Variants in RLF observed in about 807,000 individuals in gnomAD.
RLF encodes the protein zinc finger protein Rlf.
Under a neutral mutation model 162.9 loss-of-function variants are expected in RLF, and 7 were observed. The observed-to-expected ratio is 0.04, with a 90% confidence interval of 0.02 to 0.08. The LOEUF is 0.08. Among genes scored for constraint, RLF ranks in the 10% least tolerant of loss-of-function variants. RLF has a pLI of 1.00. For synonymous variants in RLF, 782 were observed against 791.5 expected (o/e 0.99, Z 0.20); for missense variants, 1,664 against 2,244.7 (o/e 0.74, Z 5.23).
chr1:40,238,725 G>C lies in RLF; in HGVS notation c.4023G>C (p.Gln1341His). 1 of 1,613,814 alleles carries C rather than the reference G, an allele frequency of 6.2e-7. No individual in the cohort carries two copies. The highest frequency in any genetic ancestry group is 8.5e-7 in the Non-Finnish European group (1 of 1,179,834). The change falls in exon 8 of 8, where the codon CAG becomes CAC. Residue 1341 changes from glutamine to histidine, a missense_variant. Gln to His is a conservative substitution (Grantham distance 24). This residue lies in a region of RLF where 33 missense variants were observed against 73.3 expected (regional missense o/e 0.45). Transcript: ENST00000372771. This position sits in a 1 kb window ranked among gnomAD's most constrained non-coding sequence, Gnocchi z 5.2. ...YRTVHQYNKE[Q>H]LCLEKDKART... ...CTGTACATCAGTACAACAAAGAACA[G>C]TTATGTTTGGAGAAAGACAAAGCAA...
At chr1:40,213,301 A>G (rs959061974) in intron 5 of RLF, among the ~76,000 whole-genome samples, 14 of 152,166 alleles carry the variant, frequency 9.2e-5, no homozygotes, top group Non-Finnish European at 2.9e-5. Context: ...TGGTTGGTGT[A>G]TGATTGCACT....
Position 40,222,604 on chromosome 1 carries a change from G to C in RLF, c.841G>C (p.Asp281His). 1 of 1,613,534 alleles carries C rather than the reference G, an allele frequency of 6.2e-7. No homozygotes were observed. Among genetic ancestry groups the C allele is most frequent in the Non-Finnish European group, 8.5e-7 (1 of 1,179,788 alleles). The change falls in exon 6 of 8, where the codon GAC (aspartate) becomes CAC (histidine). Residue 281 changes from aspartate (D) to histidine (H), a missense_variant. Asp to His is a moderately conservative substitution (Grantham distance 81, BLOSUM62 -1). Transcript: ENST00000372771. ...AAAGGTCGACTGCAAGGAAGTACTA[G>C]ACATCATTTGTAATCTGGAATCTGA... is the stretch of plus-strand genomic sequence containing the variant. ...IAKVDCKEVL[D>H]IICNLESEGQ...
intron 1 of RLF, among the ~76,000 whole-genome samples, chr1:40,181,697 G>T (rs1247711264): frequency 1.3e-5 from 2 of 152,172 alleles, no homozygotes; most frequent in Non-Finnish European, 2.9e-5. Flanking sequence ...CTTCTATTAA[G>T]CTGATCCTCA....
intron 1 of RLF, among the ~76,000 whole-genome samples, chr1:40,164,002 G>C (rs994540753): frequency 5.9e-5 from 9 of 152,060 alleles, no homozygotes; most frequent in African/African-American, 2.2e-4. Flanking sequence ...AATAGCTCTT[G>C]GTTTCACATT....
chr1:40,219,985 G>C (rs1033639686), intron 5 of RLF, among the ~76,000 whole-genome samples: 2 of 152,146 alleles, frequency 1.3e-5, no homozygotes, highest in Admixed American at 6.5e-5. Context: ...GGTGGCTCAC[G>C]CCTGTAATCC....
rs1429438001 is a variant in RLF at position 40,239,886 on chromosome 1, T to G, written c.5184T>G (p.Thr1728=). 4.3e-6 allele frequency: 7 copies of G among 1,613,768 alleles called. No individual in the cohort carries two copies. Among genetic ancestry groups the G allele is most frequent in the Non-Finnish European group, 5.9e-6 (7 of 1,180,008 alleles). ...TACCAAGGATCAAAGAATCAGAAAC[T>G]AGGCAGCATAGTTCAGGGCAAGAAA... is the stretch of plus-strand genomic sequence containing the variant. ...LPLPRIKESE[T]RQHSSGQENT... The change falls in exon 8 of 8, where the codon ACT becomes ACG. Residue 1728 remains threonine (T), a synonymous_variant. Transcript: ENST00000372771.
chr1:40,196,183 C>G (rs1302693228), intron 4 of RLF, among the ~76,000 whole-genome samples: 1 of 151,470 alleles, frequency 6.6e-6, no homozygotes, highest in Non-Finnish European at 1.5e-5. Flanking sequence ...TGAAGCGATT[C>G]TGCCTCAGCC....
chr1:40,193,176 T>C (rs983117620), intron 3 of RLF, among the ~76,000 whole-genome samples: 3 of 151,834 alleles, frequency 2.0e-5, no homozygotes, highest in African/African-American at 7.2e-5. Context: ...TTCTGTATTG[T>C]AGATTTCAAG....
At position 40,162,130 on chromosome 1, in the gene RLF, C is replaced by A. The variant is rs1570505878; in HGVS notation, c.237+494C>A. On this transcript the variant is annotated intron_variant, in intron 1 of 7. Coordinates refer to ENST00000372771, the MANE Select transcript of RLF (RefSeq NM_012421.4). Reference sequence around the variant, plus strand: ...AGGTATGACAGTTGGCTTCGAAAGGCGTCTAGAGCTTTCTGATTAGGGATT... The same window carrying A: ...AGGTATGACAGTTGGCTTCGAAAGGAGTCTAGAGCTTTCTGATTAGGGATT... 2.0e-5 allele frequency among the ~76,000 whole-genome samples: 3 copies of A among 151,026 alleles called. No individual in the cohort carries two copies. The South Asian group carries it at 6.3e-4, about 32-fold the overall frequency.
In RLF at chr1:40,237,221, T is replaced by G. The variant is rs772664462; in HGVS notation, c.2519T>G (p.Leu840Arg). 4.5e-5 allele frequency: 72 copies of G among 1,613,938 alleles called. No individual in the cohort carries two copies. The highest frequency in any genetic ancestry group is 6.0e-5 in the Non-Finnish European group (71 of 1,179,930). ...SNGDIKKSVK[L>R]EESATGEKQD... Reference sequence around the variant, plus strand: ...GGAGACATAAAGAAATCAGTGAAACTTGAGGAGTCTGCAACAGGTGAAAAG... The same window carrying G: ...GGAGACATAAAGAAATCAGTGAAACGTGAGGAGTCTGCAACAGGTGAAAAG... Residue 840 changes from leucine to arginine, a missense_variant, in exon 8 of 8, where the codon CTT becomes CGT. By Grantham distance (102) the Leu-to-Arg change is moderately radical (BLOSUM62 -2). This residue lies in a region of RLF where 295 missense variants were observed against 317.4 expected (regional missense o/e 0.93). Transcript: ENST00000372771. This position sits in a 1 kb window ranked among gnomAD's most constrained non-coding sequence, Gnocchi z 4.4.
At chr1:40,189,803 C>CA (rs1312442935) in intron 2 of RLF, among the ~76,000 whole-genome samples, 30 of 143,250 alleles carry the variant, frequency 2.1e-4, no homozygotes, top group African/African-American at 2.3e-4. Context: ...ACTGTCTCAA[C>CA]AACAAAAAAA....
chr1:40,201,339 G>A (rs1642716706), intron 4 of RLF, among the ~76,000 whole-genome samples: 1 of 151,526 alleles, frequency 6.6e-6, no homozygotes, highest in Admixed American at 6.6e-5. Context: ...AAAAATTGAG[G>A]GCTCGGCCGG....
At chr1:40,230,917 A>G (rs1202920161) in intron 6 of RLF, among the ~76,000 whole-genome samples, 1 of 152,028 alleles carries the variant, frequency 6.6e-6, no homozygotes, top group Non-Finnish European at 1.5e-5. Flanking sequence ...ATTATTTTCA[A>G]GCTTTCCTTT....
chr1:40,172,411 T>C (rs1446480201), intron 1 of RLF, among the ~76,000 whole-genome samples: 1 of 152,242 alleles, frequency 6.6e-6, no homozygotes, highest in African/African-American at 2.4e-5. Context: ...TATTTTGTTA[T>C]TATAAACAGT....
chr1:40,185,841 A>AAG (rs1642471304), intron 1 of RLF, among the ~76,000 whole-genome samples: 1 of 94,750 alleles, frequency 1.1e-5, no homozygotes, highest in African/African-American at 4.5e-5. Flanking sequence ...AAAAAAAAAA[A>AAG]GCAAAAAAAA....
At position 40,237,307 on chromosome 1, in the gene RLF, G is replaced by T; in HGVS notation, c.2605G>T (p.Asp869Tyr). The change falls in exon 8 of 8, where the codon GAT becomes TAT. Residue 869 changes from aspartate (D) to tyrosine (Y), a missense_variant. Coordinates refer to ENST00000372771, the MANE Select transcript of RLF (RefSeq NM_012421.4). This position sits in a 1 kb window ranked among gnomAD's most constrained non-coding sequence, Gnocchi z 4.4. ...AACTGATAAATCACATTTACCTGAA[G>T]ATCTTTTCTGTGCAGAATCAGCTAA... ...NQTDKSHLPE[D>Y]LFCAESANSQ... is the part of the protein sequence containing the mutation. 1 of 1,614,042 alleles carries T rather than the reference G, an allele frequency of 6.2e-7. No homozygotes were observed. The highest frequency in any genetic ancestry group is 8.5e-7 in the Non-Finnish European group (1 of 1,179,978).
Position 40,231,292 on chromosome 1 carries a change from T to C in RLF, c.948-225T>C, listed in dbSNP as rs369904545. ...TGTTAAGGAGGTAGTGTTTTGTTTT[T>C]ATTTTTCCCCCTAAACACAAGAGAG... On this transcript the variant is annotated intron_variant, in intron 6 of 7. Coordinates refer to ENST00000372771, the MANE Select transcript of RLF (RefSeq NM_012421.4). 3.3e-5 allele frequency among the ~76,000 whole-genome samples: 5 copies of C among 152,334 alleles called. No individual in the cohort carries two copies. In the East Asian group the frequency reaches 5.8e-4, roughly 18 times the overall value.
At chr1:40,162,184 C>CTTTT (rs111773742) in intron 1 of RLF, among the ~76,000 whole-genome samples, 1 of 139,612 alleles carries the variant, frequency 7.2e-6, no homozygotes, top group African/African-American at 2.6e-5. Context: ...TTGGTTTTTG[C>CTTTT]TTTTTTTTTT....
Position 40,239,871 on chromosome 1 carries a change from C to G in RLF, c.5169C>G (p.Ile1723Met), listed in dbSNP as rs1643269797. The part of the protein sequence containing the change: ...FTSFQLPLPR[I>M]KESETRQHSS... The stretch of plus-strand genomic sequence containing the variant: ...GTTTCCAGCTGCCTTTACCAAGGAT[C>G]AAAGAATCAGAAACTAGGCAGCATA... The change falls in exon 8 of 8, where the codon ATC becomes ATG. Residue 1723 changes from isoleucine (I) to methionine (M), a missense_variant. Physicochemically the swap from Ile to Met is conservative, Grantham distance 10. Coordinates refer to ENST00000372771, the MANE Select transcript of RLF (RefSeq NM_012421.4). The G allele has an allele frequency of 1.2e-6, 2 of 1,613,796 alleles. No individual in the cohort carries two copies. The highest frequency in any genetic ancestry group is 1.7e-6 in the Non-Finnish European group (2 of 1,180,008).
Sources: gnomAD v4.1 joint callset for allele counts (sites outside exome capture counted in the v4.1 genomes callset) on GRCh38, gnomAD v4.1.1 for gene constraint, gnomAD v4.1.1 regional missense constraint, Gnocchi (gnomAD v3.1) non-coding constraint, MANE v1.5 for transcripts, NCBI Gene and HGNC (gene_info 2026-07-23, HGNC 2026-07-21) for gene names.